The following ZNF362 variants were observed in gnomAD, a reference collection of about 807,000 sequenced individuals.
ZNF362 encodes rotund homolog.
Under a neutral mutation model 42.9 loss-of-function variants are expected in ZNF362, and 11 were observed. The observed-to-expected ratio is 0.26, with a 90% confidence interval of 0.16 to 0.42. The LOEUF is 0.42. Among genes scored for constraint, ZNF362 ranks in the 20% least tolerant of loss-of-function variants. The probability of loss-of-function intolerance (pLI) is 1.00; values close to 1 mark genes in which losing one functional copy is unlikely to be tolerated. For synonymous variants in ZNF362, 255 were observed against 257.3 expected (o/e 0.99, Z 0.09); for missense variants, 362 against 576.2 (o/e 0.63, Z 3.81).
At chr1:33,202,469 C>G in the ZNF362 span, among the ~76,000 whole-genome samples, 2 of 151,842 alleles carry the variant, frequency 1.3e-5, no homozygotes, top group African/African-American at 4.8e-5. Flanking sequence ...ATGGTGGCGG[C>G]CGCCTGTAGT....
At chr1:33,275,975 T>TG in intron 2 of ZNF362, 125 bp from the exon 3 acceptor site, 1 of 1,044,860 alleles carries the variant, frequency 9.6e-7, no homozygotes, top group Non-Finnish European at 1.4e-6. Flanking sequence ...GCTGTGAGGC[T>TG]GGGGGACCCA....
At chr1:33,258,144 A>T (rs543754514) in intron 1 of ZNF362, among the ~76,000 whole-genome samples, 1 of 151,784 alleles carries the variant, frequency 6.6e-6, no homozygotes, top group South Asian at 2.1e-4. Context: ...CCTTTCTGCC[A>T]CTCCTGCCCT....
chr1:33,268,847 G>C (rs981212149), intron 1 of ZNF362, among the ~76,000 whole-genome samples: 2 of 152,194 alleles, frequency 1.3e-5, no homozygotes, highest in Admixed American at 6.5e-5. Flanking sequence ...AGCTATGGAG[G>C]GTCCTAGGAA....
the ZNF362 span, among the ~76,000 whole-genome samples, chr1:33,212,564 T>C: frequency 6.6e-6 from 1 of 152,046 alleles, no homozygotes; most frequent in Non-Finnish European, 1.5e-5. Context: ...TCTGCTTGGC[T>C]TCTGGTGAGG....
At chr1:33,233,030 A>G in the ZNF362 span, among the ~76,000 whole-genome samples, 24 of 152,366 alleles carry the variant, frequency 1.6e-4, no homozygotes, top group African/African-American at 5.5e-4. Context: ...CAGTGAGGTT[A>G]TGTGGCTTGT....
chr1:33,281,667 A>C lies in ZNF362; in HGVS notation c.764A>C (p.His255Pro), dbSNP rs200776640. 6.2e-7 allele frequency: 1 copy of C among 1,614,218 alleles called. No homozygotes were observed. Among genetic ancestry groups the C allele is most frequent in the Non-Finnish European group, 8.5e-7 (1 of 1,180,032 alleles). ...AAGTCGCACACAGAGGCCAAGCCCC[A>C]CAAGTGCCCGCACTGCTCCAAGTCC... The part of the protein sequence containing the change: ...HSKSHTEAKP[H>P]KCPHCSKSFA... The change falls in exon 6 of 9, where the codon CAC becomes CCC. Residue 255 changes from histidine to proline, a missense_variant. His to Pro is a moderately conservative substitution (Grantham distance 77). Coordinates refer to ENST00000539719, the MANE Select transcript of ZNF362 (RefSeq NM_152493.3). The surrounding 1 kb of genome is among the most constrained non-coding windows in gnomAD (Gnocchi z 4.8).
chr1:33,224,580 T>A, the ZNF362 span, among the ~76,000 whole-genome samples: 21 of 152,200 alleles, frequency 1.4e-4, no homozygotes, highest in Non-Finnish European at 1.5e-5. Context: ...ACAGTGGACA[T>A]GTCTAAATTA....
At chr1:33,181,505 C>T in the ZNF362 span, 1 of 1,484,984 alleles carries the variant, frequency 6.7e-7, no homozygotes, top group Non-Finnish European at 8.9e-7. The surrounding 1 kb of genome is among the most constrained non-coding windows in gnomAD (Gnocchi z 6.5). Flanking sequence ...CTGTCGGAGG[C>T]AGCACCGAGG....
At chr1:33,213,461 T>C in the ZNF362 span, among the ~76,000 whole-genome samples, 4 of 152,122 alleles carry the variant, frequency 2.6e-5, no homozygotes, top group Non-Finnish European at 5.9e-5. Context: ...AGCAGTAAAG[T>C]GAACAAAGAA....
At chr1:33,219,657 A>C in the ZNF362 span, among the ~76,000 whole-genome samples, 2 of 152,120 alleles carry the variant, frequency 1.3e-5, no homozygotes, top group African/African-American at 4.8e-5. Context: ...GTGGACAGCC[A>C]AGGAGTAGGG....
chr1:33,283,826 A>G (rs927612985), intron 6 of ZNF362, among the ~76,000 whole-genome samples: 13 of 152,148 alleles, frequency 8.5e-5, no homozygotes, highest in Admixed American at 8.5e-4. Flanking sequence ...AGTTTCAGCA[A>G]TTTTCTGATT....
chr1:33,162,139 G>A, the ZNF362 span, among the ~76,000 whole-genome samples: 9 of 152,148 alleles, frequency 5.9e-5, no homozygotes, highest in African/African-American at 2.2e-4. Flanking sequence ...TCCTTCTAAA[G>A]TGCCAACTGA....
Position 33,266,482 on chromosome 1 carries a change from G to T in ZNF362, c.-88-4005G>T, listed in dbSNP as rs1645865586. Among the ~76,000 whole-genome samples the T allele has an allele frequency of 6.6e-6, 1 of 152,200 alleles. No homozygotes were observed. Among genetic ancestry groups the T allele is most frequent in the African/African-American group, 2.4e-5 (1 of 41,438 alleles). The stretch of plus-strand genomic sequence containing the variant: ...GTAGGGAGAAGGCAGGGGACCATGG[G>T]AGTGTATAACAGGGTAGCCCAATTC... On this transcript the variant is annotated intron_variant, in intron 1 of 8. Coordinates refer to ENST00000539719, the MANE Select transcript of ZNF362 (RefSeq NM_152493.3). The surrounding 1 kb of genome is among the most constrained non-coding windows in gnomAD (Gnocchi z 4.3).
the ZNF362 span, among the ~76,000 whole-genome samples, chr1:33,242,255 C>G: frequency 6.6e-6 from 1 of 151,848 alleles, no homozygotes; most frequent in African/African-American, 2.4e-5. Flanking sequence ...GGAAAGATGG[C>G]CGAGGAAGAG....
the ZNF362 span, among the ~76,000 whole-genome samples, chr1:33,150,615 C>A: frequency 6.6e-6 from 1 of 152,182 alleles, no homozygotes; most frequent in African/African-American, 2.4e-5. Context: ...GAGAGGACGG[C>A]CACTGAGTTG....
intron 1 of ZNF362, among the ~76,000 whole-genome samples, chr1:33,258,775 TTCAC>T (rs1313925436): frequency 1.1e-4 from 16 of 152,302 alleles, no homozygotes; most frequent in African/African-American, 3.6e-4. Flanking sequence ...CTTCACAGTT[TTCAC>T]AGTATGGTGT....
the ZNF362 span, among the ~76,000 whole-genome samples, chr1:33,232,293 C>T: frequency 6.6e-6 from 1 of 151,816 alleles, no homozygotes; most frequent in African/African-American, 2.4e-5. Context: ...GAGACAGGGT[C>T]TCACTCTGTT....
At chr1:33,254,846 CACAG>C (rs750553753), upstream of ZNF362, among the ~76,000 whole-genome samples, 84 of 152,310 alleles carry the variant, frequency 5.5e-4, no homozygotes, top group Non-Finnish European at 1.0e-3. Flanking sequence ...AATTCTTCTG[CACAG>C]ACAATTTGTC....
At chr1:33,218,963 A>ACG in the ZNF362 span, among the ~76,000 whole-genome samples, 1 of 150,584 alleles carries the variant, frequency 6.6e-6, no homozygotes, top group South Asian at 2.1e-4. Context: ...ACACACACAC[A>ACG]CACACACACA....
Sources: allele counts gnomAD v4.1 joint callset (sites outside exome capture counted in the v4.1 genomes callset), GRCh38; gene constraint gnomAD v4.1.1; non-coding constraint Gnocchi (gnomAD v3.1); transcripts MANE v1.5; gene names NCBI Gene and HGNC (gene_info 2026-07-23, HGNC 2026-07-21).